The following CELF2 variants were observed in gnomAD, a reference collection of about 807,000 sequenced individuals.
CELF2 encodes the protein CUGBP Elav-like family member 2.
A neutral mutation model predicts 62.6 loss-of-function variants in CELF2; 8 were observed. The observed-to-expected ratio is 0.13, with a 90% CI of 0.07 to 0.23. The LOEUF (loss-of-function observed/expected upper bound fraction) is 0.23, where lower values mean the gene tolerates loss of function less well. Among genes scored for constraint, CELF2 ranks in the 10% least tolerant of loss-of-function variants. The pLI, the probability that CELF2 is intolerant of heterozygous loss-of-function variation, is 1.00. For missense variants in CELF2, 333 were observed against 671.0 expected, an observed-to-expected ratio of 0.50 and a Z score of 5.56; for synonymous variants, 258 against 250.0, an observed-to-expected ratio of 1.03 and a Z score of -0.30.
rs2066870895 is a variant in CELF2 at position 11,227,020 on chromosome 10, G to A, written c.354+9513G>A. Among the ~76,000 whole-genome samples the A allele has an allele frequency of 6.6e-6, 1 of 152,158 alleles. No homozygotes were observed. ...GTCCAACTGTCCTCGCCATTGCTCT[G>A]CTTCCGTGTTCCACAGACAGGGGAA... On this transcript the variant is annotated intron_variant, in intron 3 of 12. Coordinates refer to ENST00000633077, the MANE Select transcript of CELF2 (RefSeq NM_001326342.2). The surrounding 1 kb of genome is among the most constrained non-coding windows in gnomAD (Gnocchi z 4.8).
intron 1 of CELF2, among the ~76,000 whole-genome samples, chr10:10,864,966 G>A (rs1162891726): frequency 2.6e-5 from 4 of 152,112 alleles, no homozygotes; most frequent in South Asian, 4.2e-4. Flanking sequence ...AAGAACCTTG[G>A]GTATTTTCAA....
At chr10:10,895,800 C>T (rs541771264) in intron 1 of CELF2, among the ~76,000 whole-genome samples, 86 of 152,150 alleles carry the variant, frequency 5.7e-4, no homozygotes, top group Admixed American at 1.2e-3. Flanking sequence ...GTTTGCAAGG[C>T]ACTGGAAGAC....
chr10:11,092,777 G>A (rs1170969139), intron 1 of CELF2, among the ~76,000 whole-genome samples: 1 of 152,192 alleles, frequency 6.6e-6, no homozygotes, highest in Non-Finnish European at 1.5e-5. Flanking sequence ...TCTTGCCTGT[G>A]CTGTTTTCAC....
At chr10:10,722,443 T>C in the CELF2 span, among the ~76,000 whole-genome samples, 1 of 152,222 alleles carries the variant, frequency 6.6e-6, no homozygotes, top group Non-Finnish European at 1.5e-5. Context: ...AGAATTTGCA[T>C]TGCTTAAATA....
the CELF2 span, among the ~76,000 whole-genome samples, chr10:10,728,786 T>C: frequency 6.6e-6 from 1 of 152,160 alleles, no homozygotes; most frequent in Non-Finnish European, 1.5e-5. Context: ...TAGGAAAACA[T>C]CCTAAAGGTA....
chr10:10,514,417 G>A, the CELF2 span, among the ~76,000 whole-genome samples: 11 of 152,114 alleles, frequency 7.2e-5, no homozygotes, highest in African/African-American at 1.2e-4. Flanking sequence ...GCATAATTGA[G>A]GTGAGGTAGA....
chr10:10,598,755 T>TC, the CELF2 span, among the ~76,000 whole-genome samples: 1 of 117,884 alleles, frequency 8.5e-6, no homozygotes, highest in Admixed American at 8.0e-5. Flanking sequence ...TTCTTTCTTT[T>TC]TTTTTTTTTT....
intron 1 of CELF2, among the ~76,000 whole-genome samples, chr10:10,819,847 G>T (rs1164085534): frequency 6.6e-6 from 1 of 151,972 alleles, no homozygotes; most frequent in African/African-American, 2.4e-5. Flanking sequence ...CAGTTTCATG[G>T]CCTCCCTTAT....
chr10:11,005,193 AG>A, upstream of CELF2: 1 of 1,444,462 alleles, frequency 6.9e-7, no homozygotes, highest in Non-Finnish European at 9.1e-7. The surrounding 1 kb of genome is among the most constrained non-coding windows in gnomAD (Gnocchi z 4.3). Flanking sequence ...AATCTGCAGG[AG>A]CCCCCTTGCT....
intron 1 of CELF2, among the ~76,000 whole-genome samples, chr10:11,024,662 T>A (rs2058852834): frequency 6.6e-6 from 1 of 152,144 alleles, no homozygotes. Flanking sequence ...CGGAAGTTTG[T>A]CTCCTCAGTG....
intron 1 of CELF2, among the ~76,000 whole-genome samples, chr10:11,113,557 A>C (rs1215698480): frequency 6.6e-6 from 1 of 152,224 alleles, no homozygotes; most frequent in Non-Finnish European, 1.5e-5. Context: ...GCTGGAGAGA[A>C]GGTCTTCTAT....
Position 11,280,982 on chromosome 10 carries a change from C to CTGTGTGTG in CELF2, c.841+5868_841+5869insTGTGTGTG, listed in dbSNP as rs541295992. 5.0e-3 allele frequency among the ~76,000 whole-genome samples: 598 copies of CTGTGTGTG among 119,864 alleles called. 5 individuals are homozygous for CTGTGTGTG. Among genetic ancestry groups the CTGTGTGTG allele is most frequent in the Middle Eastern group, 0.04 (10 of 248 alleles). The allele number at this position is 119,864 out of a possible 152,430, so 78.6% of individuals were successfully genotyped here. On this transcript the variant is annotated intron_variant, in intron 8 of 12. Coordinates refer to ENST00000633077, the MANE Select transcript of CELF2 (RefSeq NM_001326342.2). This position sits in a 1 kb window ranked among gnomAD's most constrained non-coding sequence, Gnocchi z 7.6. ...CTGATGCTGGCGTGCGTGTGCATGC[C>CTGTGTGTG]TGTGTGCGTGTGTGTGTGTGTGTGT...
At chr10:10,872,699 C>T (rs2060829461) in intron 1 of CELF2, among the ~76,000 whole-genome samples, 1 of 152,056 alleles carries the variant, frequency 6.6e-6, no homozygotes, top group Non-Finnish European at 1.5e-5. Flanking sequence ...ATTTTAAAGG[C>T]TCTCCCATAG....
At chr10:11,289,422 A>G (rs866927364) in intron 9 of CELF2, among the ~76,000 whole-genome samples, 1 of 152,212 alleles carries the variant, frequency 6.6e-6, no homozygotes, top group Non-Finnish European at 1.5e-5. Flanking sequence ...ATCGAAAACT[A>G]CAGCCCACTC....
intron 2 of CELF2, among the ~76,000 whole-genome samples, chr10:10,955,925 A>G (rs1381901381): frequency 2.0e-5 from 3 of 152,212 alleles, no homozygotes; most frequent in Admixed American, 2.0e-4. Flanking sequence ...CCCGACCACA[A>G]TAGTTTAAAC....
chr10:10,904,492 A>G (rs2063179903), intron 1 of CELF2, among the ~76,000 whole-genome samples: 5 of 152,138 alleles, frequency 3.3e-5, no homozygotes, highest in Admixed American at 3.3e-4. Flanking sequence ...TCAGCCTCCC[A>G]AAGTGTGGGA....
chr10:10,476,895 T>A, the CELF2 span, among the ~76,000 whole-genome samples: 2 of 152,178 alleles, frequency 1.3e-5, no homozygotes, highest in African/African-American at 4.8e-5. Flanking sequence ...CTTCATTTTG[T>A]GAATGGTTCA....
intron 1 of CELF2, among the ~76,000 whole-genome samples, chr10:10,827,715 A>G (rs1249356327): frequency 6.6e-6 from 1 of 152,220 alleles, no homozygotes; most frequent in Admixed American, 6.5e-5. Flanking sequence ...TGTGTGTCGT[A>G]TCTGTCATTG....
At chr10:10,757,924 T>C in the CELF2 span, among the ~76,000 whole-genome samples, 2 of 152,202 alleles carry the variant, frequency 1.3e-5, no homozygotes, top group Admixed American at 6.5e-5. Flanking sequence ...TAGGCCCCTA[T>C]GGAACCACAC....
Sources: gnomAD v4.1 joint callset for allele counts (sites outside exome capture counted in the v4.1 genomes callset) on GRCh38, gnomAD v4.1.1 for gene constraint, Gnocchi (gnomAD v3.1) non-coding constraint, MANE v1.5 for transcripts, NCBI Gene and HGNC (gene_info 2026-07-23, HGNC 2026-07-21) for gene names.